The following NTRK3 variants were observed in gnomAD, a reference collection of about 807,000 sequenced individuals.
The protein encoded by NTRK3 is NT-3 growth factor receptor.
Under a neutral mutation model 91.7 loss-of-function variants are expected in NTRK3, and 24 were observed. That is an observed-to-expected ratio of 0.26 (90% CI 0.19 to 0.37). The LOEUF (loss-of-function observed/expected upper bound fraction) is 0.37, where lower values mean the gene tolerates loss of function less well. NTRK3 is among the 10% of genes least tolerant of loss of function. The probability of loss-of-function intolerance (pLI) is 1.00; values close to 1 mark genes in which losing one functional copy is unlikely to be tolerated. For synonymous variants in NTRK3, 483 were observed against 404.0 expected (o/e 1.20, Z -2.34); for missense variants, 880 against 1,068.9 (o/e 0.82, Z 2.46).
At chr15:88,095,635 C>A (rs1430604497) in intron 13 of NTRK3, among the ~76,000 whole-genome samples, 2 of 152,140 alleles carry the variant, frequency 1.3e-5, no homozygotes, top group African/African-American at 4.8e-5. Context: ...AGCAAGAAAA[C>A]CAGTTGAATC....
At chr15:87,912,931 A>AATATAT (rs58367924) in intron 17 of NTRK3, among the ~76,000 whole-genome samples, 1,464 of 35,588 alleles carry the variant, frequency 0.041, 74 homozygotes, top group Non-Finnish European at 0.045. Context: ...AGTAAAAAAA[A>AATATAT]ATATATATAT....
At chr15:87,998,347 G>C (rs890442569) in intron 14 of NTRK3, among the ~76,000 whole-genome samples, 2 of 152,206 alleles carry the variant, frequency 1.3e-5, no homozygotes, top group Admixed American at 6.5e-5. Flanking sequence ...AAAGCCCATA[G>C]ACCATTAACA....
At chr15:88,107,725 G>A (rs2050870835) in intron 13 of NTRK3, among the ~76,000 whole-genome samples, 1 of 152,132 alleles carries the variant, frequency 6.6e-6, no homozygotes, top group African/African-American at 2.4e-5. Context: ...GATAAAGCCT[G>A]CCTGTGTGTG....
chr15:88,187,656 T>G (rs995353228), intron 3 of NTRK3, among the ~76,000 whole-genome samples: 1 of 152,190 alleles, frequency 6.6e-6, no homozygotes, highest in African/African-American at 2.4e-5. Context: ...TTTTGTCATT[T>G]GAAAATCAAT....
At chr15:88,091,085 C>G (rs959053969) in intron 13 of NTRK3, among the ~76,000 whole-genome samples, 6 of 152,158 alleles carry the variant, frequency 3.9e-5, no homozygotes, top group African/African-American at 1.4e-4. Flanking sequence ...GGGAGTGGAG[C>G]GGCTGACCTC....
intron 13 of NTRK3, among the ~76,000 whole-genome samples, chr15:88,063,189 A>G (rs1275115377): frequency 1.3e-5 from 2 of 152,248 alleles, no homozygotes; most frequent in Non-Finnish European, 2.9e-5. Context: ...TTGGTGCTTC[A>G]TAGGAGCACA....
At chr15:88,002,180 T>TG (rs1384387284) in intron 14 of NTRK3, among the ~76,000 whole-genome samples, 2 of 147,494 alleles carry the variant, frequency 1.4e-5, no homozygotes, top group African/African-American at 5.0e-5. Context: ...TTTTTTTTTT[T>TG]TTTTTTTTTT....
chr15:87,968,965 T>C (rs1327593806), intron 14 of NTRK3, among the ~76,000 whole-genome samples: 2 of 152,180 alleles, frequency 1.3e-5, no homozygotes, highest in South Asian at 4.1e-4. Flanking sequence ...AATCAGTTTT[T>C]ATTTAACCTT....
chr15:88,012,381 T>C (rs1037117206), intron 14 of NTRK3, among the ~76,000 whole-genome samples: 5 of 152,198 alleles, frequency 3.3e-5, no homozygotes, highest in South Asian at 2.1e-4. Flanking sequence ...CCCCCAGCCA[T>C]GGCTCATTCT....
intron 14 of NTRK3, among the ~76,000 whole-genome samples, chr15:88,023,670 C>A (rs551803498): frequency 6.6e-6 from 1 of 152,304 alleles, no homozygotes; most frequent in South Asian, 2.1e-4. Context: ...TCACATCTAG[C>A]AGAGCCTGCC....
intron 13 of NTRK3, among the ~76,000 whole-genome samples, chr15:88,076,708 C>G (rs184094679): frequency 1.4e-5 from 2 of 146,706 alleles, no homozygotes; most frequent in Admixed American, 6.8e-5. Context: ...AAAGCTGTGA[C>G]GAATGCAATG....
At chr15:87,936,261 T>C (rs1020417077) in intron 15 of NTRK3, among the ~76,000 whole-genome samples, 1 of 152,180 alleles carries the variant, frequency 6.6e-6, no homozygotes, top group African/African-American at 2.4e-5. Context: ...GGCGTTTGTA[T>C]AGTATCTTTA....
At chr15:88,077,278 T>C (rs533463103) in intron 13 of NTRK3, among the ~76,000 whole-genome samples, 41 of 152,212 alleles carry the variant, frequency 2.7e-4, no homozygotes, top group African/African-American at 9.4e-4. Flanking sequence ...CTTCACTTTC[T>C]CTGTTCTCAG....
chr15:88,125,968 T>C (rs1171692054), intron 13 of NTRK3, among the ~76,000 whole-genome samples: 1 of 152,226 alleles, frequency 6.6e-6, no homozygotes, highest in Non-Finnish European at 1.5e-5. Flanking sequence ...TCCGTCTTCA[T>C]TTGCCCTGAA....
exon 19 of NTRK3, chr15:87,860,005 CAT>C (rs2064478698): frequency 1.0e-5 from 2 of 196,292 alleles, no homozygotes; most frequent in Non-Finnish European, 2.1e-5. Context: ...CATACACACA[CAT>C]ATATACATAT....
At chr15:87,947,215 G>C (rs987091294) in intron 14 of NTRK3, among the ~76,000 whole-genome samples, 1 of 151,812 alleles carries the variant, frequency 6.6e-6, no homozygotes, top group Admixed American at 6.6e-5. Flanking sequence ...TGCTGTCCCC[G>C]TGCTACAGAT....
exon 19 of NTRK3, chr15:87,875,991 G>C (rs573151277): frequency 3.3e-4 from 77 of 232,658 alleles, no homozygotes; most frequent in African/African-American, 1.6e-3. Flanking sequence ...AAGCTTCCCA[G>C]GGGCCTGAAA....
intron 3 of NTRK3, among the ~76,000 whole-genome samples, chr15:88,218,568 C>T (rs1479473059): frequency 2.0e-5 from 3 of 152,194 alleles, no homozygotes; most frequent in African/African-American, 7.2e-5. Context: ...AATCATAGGA[C>T]GTGATGATTC....
At chr15:88,054,854 TC>T (rs2045546620) in intron 13 of NTRK3, among the ~76,000 whole-genome samples, 1 of 152,170 alleles carries the variant, frequency 6.6e-6, no homozygotes, top group South Asian at 2.1e-4. Context: ...TATTTTTTTT[TC>T]CAAAGTGCAA....
Sources: gnomAD v4.1 joint callset for allele counts (sites outside exome capture counted in the v4.1 genomes callset) on GRCh38, gnomAD v4.1.1 for gene constraint, MANE v1.5 for transcripts, NCBI Gene and HGNC (gene_info 2026-07-23, HGNC 2026-07-21) for gene names.